Variants in CFAP119 observed in about 807,000 individuals in gnomAD.
CFAP119 encodes cilia- and flagella-associated protein 119.
At chr16:30,759,066 C>T in the CFAP119 span, 1 of 1,614,222 alleles carries the variant, frequency 6.2e-7, no homozygotes, top group South Asian at 1.1e-5. Context: ...TGCGGGGTAA[C>T]TGCCTGCTCC....
At chr16:30,757,627 A>G in the CFAP119 span, 1 of 1,613,816 alleles carries the variant, frequency 6.2e-7, no homozygotes, top group African/African-American at 1.3e-5. Flanking sequence ...TTGGGTCTTG[A>G]TGTAGGCTCG....
chr16:30,759,821 G>T, the CFAP119 span: 2 of 1,504,366 alleles, frequency 1.3e-6, no homozygotes, highest in South Asian at 2.7e-5. Context: ...TTCAGAAGCA[G>T]ACAGATCTGG....
At chr16:30,760,007 C>T in the CFAP119 span, 2 of 1,471,042 alleles carry the variant, frequency 1.4e-6, no homozygotes, top group Non-Finnish European at 1.8e-6. Flanking sequence ...CATTCTGAAG[C>T]AAGAGCTATT....
At chr16:30,761,177 T>C in the CFAP119 span, 1 of 1,613,240 alleles carries the variant, frequency 6.2e-7, no homozygotes, top group Non-Finnish European at 8.5e-7. Flanking sequence ...TTCAGTGTAA[T>C]TTTTGTCTCT....
chr16:30,759,295 G>C, the CFAP119 span: 1 of 1,613,066 alleles, frequency 6.2e-7, no homozygotes, highest in South Asian at 1.1e-5. Context: ...CCTGTGCTGA[G>C]GGGAGGGGCG....
At chr16:30,761,146 A>G in the CFAP119 span, 7 of 1,596,552 alleles carry the variant, frequency 4.4e-6, no homozygotes, top group Non-Finnish European at 5.1e-6. Context: ...ACTGTTGGGG[A>G]GACAATAAAG....
the CFAP119 span, chr16:30,761,338 A>G: frequency 1.3e-6 from 2 of 1,518,850 alleles, no homozygotes; most frequent in East Asian, 4.5e-5. Context: ...CTCAAGGACT[A>G]AGGAGAGGCG....
chr16:30,759,770 C>CGAT, the CFAP119 span: 1 of 1,560,216 alleles, frequency 6.4e-7, no homozygotes, highest in Non-Finnish European at 8.7e-7. Context: ...CTCTGGTATC[C>CGAT]ATTCATTCAC....
At chr16:30,760,627 G>C in the CFAP119 span, 4 of 1,556,754 alleles carry the variant, frequency 2.6e-6, no homozygotes, top group Non-Finnish European at 3.5e-6. Context: ...AGCATTGGTG[G>C]TCTTCTCCAG....
At chr16:30,759,828 C>A in the CFAP119 span, 1 of 1,496,598 alleles carries the variant, frequency 6.7e-7, no homozygotes, top group Non-Finnish European at 8.9e-7. Context: ...GCAGACAGAT[C>A]TGGGTTTCAG....
At chr16:30,761,956 GAAGGCGGA>G in the CFAP119 span, 1 of 588,274 alleles carries the variant, frequency 1.7e-6, no homozygotes. Flanking sequence ...GTGAGGGAAG[GAAGGCGGA>G]AAGCGCAGGC....
chr16:30,761,583 C>T, the CFAP119 span: 1 of 1,536,074 alleles, frequency 6.5e-7, no homozygotes, highest in Non-Finnish European at 8.7e-7. Context: ...TCCGCTTTCG[C>T]CGCCGCCGCC....
the CFAP119 span, chr16:30,757,950 T>TA: frequency 3.8e-6 from 2 of 520,826 alleles, no homozygotes; most frequent in South Asian, 3.7e-5. Context: ...TGGATAGTGA[T>TA]ACCTAGCACA....
At chr16:30,761,066 C>T in the CFAP119 span, 1 of 1,038,042 alleles carries the variant, frequency 9.6e-7, no homozygotes, top group African/African-American at 1.6e-5. Flanking sequence ...AACTTCCAGT[C>T]ACCTGGAGTA....
the CFAP119 span, chr16:30,759,972 G>C: frequency 1.4e-6 from 2 of 1,453,362 alleles, no homozygotes; most frequent in Non-Finnish European, 1.8e-6. Context: ...AATAAACCAA[G>C]AAATAGATCA....
chr16:30,761,688 G>T, the CFAP119 span: 4 of 1,535,814 alleles, frequency 2.6e-6, no homozygotes, highest in Non-Finnish European at 2.6e-6. Context: ...AGCTCGGAGA[G>T]ATGTTCAAGC....
chr16:30,761,597 G>A, the CFAP119 span: 1 of 1,536,154 alleles, frequency 6.5e-7, no homozygotes, highest in East Asian at 2.4e-5. Flanking sequence ...CGCCGCCGTC[G>A]TCCACTGAGT....
chr16:30,761,535 C>G, the CFAP119 span: 1 of 1,536,144 alleles, frequency 6.5e-7, no homozygotes, highest in South Asian at 1.2e-5. Flanking sequence ...CCAGACTGTC[C>G]CGCCCTCACC....
the CFAP119 span, chr16:30,759,616 G>GA: frequency 8.1e-5 from 130 of 1,614,102 alleles, 1 homozygote; most frequent in African/African-American, 1.5e-3. Context: ...CTTGTCTGGG[G>GA]ATGGGTAAAG....
Sources: gnomAD v4.1 joint callset for allele counts on GRCh38, gnomAD v4.1.1 for gene constraint, MANE v1.5 for transcripts, NCBI Gene and HGNC (gene_info 2026-07-23, HGNC 2026-07-21) for gene names.